Variants in BTF3L4 observed in about 807,000 individuals in gnomAD.
BTF3L4 encodes the protein transcription factor BTF3 homolog 4.
A neutral mutation model predicts 16.8 loss-of-function variants in BTF3L4; 6 were observed. The ratio of observed to expected loss-of-function variants is 0.36; its 90% CI spans 0.20 to 0.71. The LOEUF is 0.71. Among genes scored for constraint, BTF3L4 ranks in the 30% least tolerant of loss-of-function variants. The pLI, the probability that BTF3L4 is intolerant of heterozygous loss-of-function variation, is 0.58. For synonymous variants in BTF3L4, 39 were observed against 59.8 expected (o/e 0.65, Z 1.60); for missense variants, 92 against 186.9 (o/e 0.49, Z 2.96).
At chr1:52,074,251 G>T (rs1402853913) in intron 3 of BTF3L4, among the ~76,000 whole-genome samples, 1 of 151,790 alleles carries the variant, frequency 6.6e-6, no homozygotes, top group South Asian at 2.1e-4. Context: ...AGGCTGGAGT[G>T]CAGTGGCACA....
intron 3 of BTF3L4, among the ~76,000 whole-genome samples, chr1:52,075,491 C>G (rs1686906970): frequency 6.9e-6 from 1 of 144,986 alleles, no homozygotes; most frequent in Admixed American, 7.0e-5. Flanking sequence ...CACTACACTA[C>G]AGCCTGCTGG....
chr1:52,083,371 T>A lies in BTF3L4; in HGVS notation c.200T>A (p.Ile67Asn), dbSNP rs754853340. The A allele has an allele frequency of 6.2e-7, 1 of 1,613,408 alleles. No individual in the cohort carries two copies. The highest frequency in any genetic ancestry group is 8.5e-7 in the Non-Finnish European group (1 of 1,179,620). The change falls in exon 4 of 6, where the codon ATT becomes AAT. Residue 67 changes from isoleucine (I) to asparagine (N), a missense_variant. Ile to Asn is a moderately radical substitution (Grantham distance 149). Transcript: ENST00000313334. Reference protein sequence around the residue: ...VNMIKDDGTVIHFNNPKVQAS... With the variant: ...VNMIKDDGTVNHFNNPKVQAS... Reference sequence around the variant, plus strand: ...ATGATTAAAGATGATGGGACAGTTATTCATTTCAACAATCCCAAAGTCCAA... The same window carrying A: ...ATGATTAAAGATGATGGGACAGTTAATCATTTCAACAATCCCAAAGTCCAA...
At chr1:52,080,519 GTTTTTTTTTTTTTTT>G (rs753783341) in intron 3 of BTF3L4, among the ~76,000 whole-genome samples, 80 of 70,256 alleles carry the variant, frequency 1.1e-3, no homozygotes, top group Admixed American at 3.6e-3. Flanking sequence ...GGTTTTTTGG[GTTTTTTTTTTTTTTT>G]TTTTTTTTTT....
intron 4 of BTF3L4, 142 bp from the exon 5 acceptor site, chr1:52,085,970 A>AAAACTTTTATCAG: frequency 2.1e-6 from 1 of 470,064 alleles, no homozygotes; most frequent in Non-Finnish European, 3.7e-6. Context: ...AGCAAAAAAT[A>AAAACTTTTATCAG]TGAATGGCAT....
chr1:52,068,613 C>G (rs1245159471), intron 3 of BTF3L4, among the ~76,000 whole-genome samples: 1 of 152,062 alleles, frequency 6.6e-6, no homozygotes, highest in African/African-American at 2.4e-5. Context: ...ATTAATTTAT[C>G]CTGCTTTTGC....
chr1:52,086,818 A>T lies in BTF3L4; in HGVS notation c.*60A>T. 3 of 1,120,038 alleles carry T rather than the reference A, an allele frequency of 2.7e-6. No homozygotes were observed. The highest frequency in any genetic ancestry group is 3.9e-6 in the Non-Finnish European group (3 of 768,018). The allele number at this position is 1,120,038 out of a possible 1,614,324, so 69.4% of individuals were successfully genotyped here. A position where few individuals can be genotyped will look rare whatever the true frequency, so the allele number is the denominator to read the frequency against. On this transcript the variant is annotated 3_prime_UTR_variant, in exon 6 of 6. Coordinates refer to ENST00000313334, the MANE Select transcript of BTF3L4 (RefSeq NM_152265.5). ...TTAACAAATCAGCTATGTGGTTCCA[A>T]AGTTTTACAGACATGGAGAACATCA...
At chr1:52,060,978 C>G (rs1300510500) in intron 2 of BTF3L4, among the ~76,000 whole-genome samples, 1 of 152,142 alleles carries the variant, frequency 6.6e-6, no homozygotes, top group Non-Finnish European at 1.5e-5. Context: ...TTGGTACATT[C>G]GATTTAGCTG....
chr1:52,064,990 T>G, intron 3 of BTF3L4, 52 bp downstream of exon 3: 1 of 1,030,788 alleles, frequency 9.7e-7, no homozygotes, highest in South Asian at 1.5e-5. Flanking sequence ...CACAAATAAT[T>G]GTCTGGACCT....
At chr1:52,075,690 C>A (rs907885378) in intron 3 of BTF3L4, among the ~76,000 whole-genome samples, 1 of 149,714 alleles carries the variant, frequency 6.7e-6, no homozygotes, top group Non-Finnish European at 1.5e-5. Flanking sequence ...TGAGTTCTTT[C>A]AACTCTCTTG....
chr1:52,061,922 G>A (rs1256657101), intron 2 of BTF3L4, among the ~76,000 whole-genome samples: 2 of 150,436 alleles, frequency 1.3e-5, no homozygotes, highest in Non-Finnish European at 3.0e-5. Flanking sequence ...GATTACAGGC[G>A]TGAGCCACCG....
chr1:52,067,933 A>G (rs1329487884), intron 3 of BTF3L4, among the ~76,000 whole-genome samples: 1 of 152,122 alleles, frequency 6.6e-6, no homozygotes, highest in Non-Finnish European at 1.5e-5. Flanking sequence ...ATCTCTAGAG[A>G]TTGCCATGTA....
chr1:52,068,884 C>T (rs1451728942), intron 3 of BTF3L4, among the ~76,000 whole-genome samples: 2 of 152,150 alleles, frequency 1.3e-5, no homozygotes, highest in Non-Finnish European at 2.9e-5. Flanking sequence ...AGCACCTGTA[C>T]AGCATTTGTG....
At chr1:52,083,593 C>A in intron 4 of BTF3L4, 52 bp downstream of exon 4, 2 of 1,417,878 alleles carry the variant, frequency 1.4e-6, no homozygotes, top group South Asian at 1.2e-5. Flanking sequence ...CTTAAAGAAC[C>A]TAATCATTTA....
At chr1:52,068,197 CTT>C (rs1686701462) in intron 3 of BTF3L4, among the ~76,000 whole-genome samples, 1 of 152,148 alleles carries the variant, frequency 6.6e-6, no homozygotes, top group African/African-American at 2.4e-5. Context: ...TTTTTGATCT[CTT>C]CAGAATATAA....
In BTF3L4 at chr1:52,064,977, A is replaced by G. The variant is rs191342072; in HGVS notation, c.168+39A>G. 1,512 of 1,229,164 alleles carry G rather than the reference A, an allele frequency of 1.2e-3. 1 individual carries two copies. The highest frequency in any genetic ancestry group is 1.6e-3 in the Non-Finnish European group (1,377 of 847,006). 76.1% of individuals were successfully genotyped at this position (1,229,164 alleles called of 1,614,324 possible). A position where few individuals can be genotyped will look rare whatever the true frequency, so the allele number is the denominator to read the frequency against. ...GCAAGTTGTTAAATTGTGTGGGTAC[A>G]TGCACAAATAATTGTCTGGACCTTT... On this transcript the variant is annotated intron_variant, in intron 3 of 5. Coordinates refer to ENST00000313334, the MANE Select transcript of BTF3L4 (RefSeq NM_152265.5).
chr1:52,065,197 G>T, intron 3 of BTF3L4: 2 of 207,838 alleles, frequency 9.6e-6, no homozygotes, highest in Middle Eastern at 1.8e-3. Context: ...AAGTGTTCTT[G>T]AATATTAATA....
rs1454837458 is a variant in BTF3L4, at chr1:52,087,184, A to G, written c.*426A>G. 6.5e-6 allele frequency: 1 copy of G among 154,054 alleles called. No individual in the cohort carries two copies. The highest frequency in any genetic ancestry group is 1.9e-4 in the East Asian group (1 of 5,288). The allele number at this position is 154,054 out of a possible 1,614,324, so 9.5% of individuals were successfully genotyped here. A position where few individuals can be genotyped will look rare whatever the true frequency, so the allele number is the denominator to read the frequency against. ...GTTACTTTTCTTTTCCCCCCGTAAG[A>G]CACAGAATTAATGGAAAGTGAGTAT... On this transcript the variant is annotated 3_prime_UTR_variant, in exon 6 of 6. Coordinates refer to ENST00000313334, the MANE Select transcript of BTF3L4 (RefSeq NM_152265.5).
intron 3 of BTF3L4, among the ~76,000 whole-genome samples, chr1:52,081,275 C>T (rs542708836): frequency 6.6e-6 from 1 of 151,778 alleles, no homozygotes; most frequent in South Asian, 2.1e-4. Flanking sequence ...GCTGGGATTA[C>T]AGGCACCCAC....
chr1:52,086,254 G>C (rs1243716191), intron 5 of BTF3L4, 83 bp downstream of exon 5: 2 of 1,051,704 alleles, frequency 1.9e-6, no homozygotes, highest in South Asian at 1.6e-5. Flanking sequence ...TTTTAGGTTT[G>C]TGTTGATTGT....
Sources: gnomAD v4.1 joint callset for allele counts (sites outside exome capture counted in the v4.1 genomes callset) on GRCh38, gnomAD v4.1.1 for gene constraint, MANE v1.5 for transcripts, NCBI Gene and HGNC (gene_info 2026-07-23, HGNC 2026-07-21) for gene names.